Variants in TBC1D22A observed in about 807,000 individuals in gnomAD.
TBC1D22A encodes TBC1 domain family member 22A.
Under a neutral mutation model 60.2 loss-of-function variants are expected in TBC1D22A, and 38 were observed. The observed-to-expected ratio is 0.63, with a 90% CI of 0.49 to 0.83. The LOEUF (loss-of-function observed/expected upper bound fraction) is 0.83. Among genes scored for constraint, TBC1D22A ranks in the 40% least tolerant of loss-of-function variants. The probability of loss-of-function intolerance (pLI) is 0.00; values close to 1 mark genes in which losing one functional copy is unlikely to be tolerated. For missense variants in TBC1D22A, 628 were observed against 701.0 expected, an observed-to-expected ratio of 0.90 and a Z score of 1.18; for synonymous variants, 302 against 281.7, an observed-to-expected ratio of 1.07 and a Z score of -0.72.
chr22:47,048,428 C>T (rs1006289207), intron 11 of TBC1D22A, among the ~76,000 whole-genome samples: 2 of 152,136 alleles, frequency 1.3e-5, no homozygotes, highest in Non-Finnish European at 2.9e-5. Context: ...CGTCACTTGC[C>T]GAGACGGTGC....
At chr22:46,879,868 C>T (rs1035829865) in intron 5 of TBC1D22A, among the ~76,000 whole-genome samples, 14 of 31,174 alleles carry the variant, frequency 4.5e-4, no homozygotes, top group Admixed American at 3.7e-3. Flanking sequence ...TCAGCCTCTG[C>T]GGGTTGTGGT....
chr22:46,974,432 G>T lies in TBC1D22A; in HGVS notation c.1125+33G>T, dbSNP rs763616909. On this transcript the variant is annotated intron_variant, in intron 9 of 12. Transcript: ENST00000337137. The stretch of plus-strand genomic sequence containing the variant: ...CCCGCGCCCACGGGACACAGCCCAC[G>T]CCCACAGCCCCTGCGGTGAAGAGAG... 3.9e-6 allele frequency: 6 copies of T among 1,557,350 alleles called. No individual in the cohort carries two copies. The Admixed American group carries it at 1.1e-4, about 28-fold the overall frequency.
At chr22:46,858,032 G>A (rs1006913595) in intron 4 of TBC1D22A, among the ~76,000 whole-genome samples, 1 of 152,164 alleles carries the variant, frequency 6.6e-6, no homozygotes. Flanking sequence ...TCCATGTTGA[G>A]CATCGCCAGG....
At chr22:47,119,680 A>G (rs944055004) in intron 12 of TBC1D22A, among the ~76,000 whole-genome samples, 17 of 152,078 alleles carry the variant, frequency 1.1e-4, no homozygotes, top group Non-Finnish European at 2.4e-4. Context: ...TATTTTTAGT[A>G]GAGACAGGGT....
At chr22:47,022,189 C>G (rs190729763) in intron 10 of TBC1D22A, among the ~76,000 whole-genome samples, 1 of 152,342 alleles carries the variant, frequency 6.6e-6, no homozygotes, top group African/African-American at 2.4e-5. Flanking sequence ...GGTTTGGTGA[C>G]AGCCTGTACA....
intron 9 of TBC1D22A, among the ~76,000 whole-genome samples, chr22:46,979,512 C>T (rs1020888376): frequency 1.3e-5 from 2 of 152,214 alleles, no homozygotes; most frequent in Admixed American, 6.5e-5. Context: ...CTCTCCTTGA[C>T]GACGCTTCTG....
intron 4 of TBC1D22A, among the ~76,000 whole-genome samples, chr22:46,800,239 T>C (rs1274170589): frequency 6.6e-6 from 1 of 152,020 alleles, no homozygotes; most frequent in Non-Finnish European, 1.5e-5. Flanking sequence ...TGAACCTCCT[T>C]CTGTGATGGT....
intron 12 of TBC1D22A, among the ~76,000 whole-genome samples, chr22:47,167,712 G>C (rs1312043359): frequency 1.3e-5 from 2 of 152,206 alleles, no homozygotes; most frequent in East Asian, 3.8e-4. Context: ...GCTTTGAATG[G>C]GGGAGTGCAT....
intron 1 of TBC1D22A, among the ~76,000 whole-genome samples, chr22:46,785,376 C>T (rs1432903935): frequency 1.3e-5 from 2 of 152,150 alleles, no homozygotes; most frequent in African/African-American, 4.8e-5. Flanking sequence ...AGAGCGGGAA[C>T]CCAAGAGGAC....
At chr22:46,970,557 A>G (rs983417355) in intron 8 of TBC1D22A, among the ~76,000 whole-genome samples, 1 of 152,160 alleles carries the variant, frequency 6.6e-6, no homozygotes, top group Admixed American at 6.5e-5. Flanking sequence ...ATGCTGGTCA[A>G]TGCAGGCCCC....
At chr22:46,906,938 CTG>C (rs1351608132) in intron 7 of TBC1D22A, among the ~76,000 whole-genome samples, 13 of 151,990 alleles carry the variant, frequency 8.6e-5, no homozygotes, top group Admixed American at 8.5e-4. Flanking sequence ...CGTGTGCTCT[CTG>C]TGCACATGAG....
intron 12 of TBC1D22A, among the ~76,000 whole-genome samples, chr22:47,160,181 G>A (rs1569478377): frequency 6.6e-6 from 1 of 152,252 alleles, no homozygotes; most frequent in Non-Finnish European, 1.5e-5. Flanking sequence ...TTCCCGTGCA[G>A]ACACTCAGTG....
intron 12 of TBC1D22A, among the ~76,000 whole-genome samples, chr22:47,123,628 G>A (rs924757843): frequency 3.9e-5 from 6 of 152,190 alleles, no homozygotes; most frequent in African/African-American, 1.2e-4. Flanking sequence ...ATTAGCCTTC[G>A]ACAGGCTAAT....
chr22:47,020,840 TTATATA>T (rs2062061184), intron 10 of TBC1D22A, among the ~76,000 whole-genome samples: 2 of 146,650 alleles, frequency 1.4e-5, no homozygotes, highest in Admixed American at 6.8e-5. Context: ...AATCCTGTAA[TTATATA>T]ATTACAGGAT....
chr22:46,992,886 C>T (rs2074997691), intron 9 of TBC1D22A, among the ~76,000 whole-genome samples: 2 of 152,158 alleles, frequency 1.3e-5, no homozygotes, highest in Admixed American at 6.5e-5. Flanking sequence ...GGAAGTCTCT[C>T]AGGCCATTGC....
At chr22:46,878,781 G>A (rs890554948) in intron 5 of TBC1D22A, 58 bp downstream of exon 5, 14 of 1,565,454 alleles carry the variant, frequency 8.9e-6, no homozygotes, top group Middle Eastern at 1.7e-4. Context: ...GACTGCAGGC[G>A]TCTGGCCTGA....
chr22:46,853,367 A>C (rs987764199), intron 4 of TBC1D22A, among the ~76,000 whole-genome samples: 6 of 152,062 alleles, frequency 3.9e-5, no homozygotes, highest in Non-Finnish European at 8.8e-5. Flanking sequence ...AGGATGTTCT[A>C]CTCAACCGTA....
At chr22:46,827,542 G>C (rs893470369) in intron 4 of TBC1D22A, among the ~76,000 whole-genome samples, 3 of 152,172 alleles carry the variant, frequency 2.0e-5, no homozygotes, top group Non-Finnish European at 4.4e-5. Flanking sequence ...TATTTTATAA[G>C]TCGTAGTCTT....
chr22:46,912,526 GTCAA>G (rs1359960365), intron 8 of TBC1D22A, among the ~76,000 whole-genome samples: 2 of 151,424 alleles, frequency 1.3e-5, no homozygotes, highest in African/African-American at 2.5e-5. Flanking sequence ...CAGTCATTCA[GTCAA>G]TCAGTCTGTC....
Sources: gnomAD v4.1 joint callset for allele counts (sites outside exome capture counted in the v4.1 genomes callset) on GRCh38, gnomAD v4.1.1 for gene constraint, MANE v1.5 for transcripts, NCBI Gene and HGNC (gene_info 2026-07-23, HGNC 2026-07-21) for gene names.